Variants in TRAK1 observed in about 807,000 individuals in gnomAD.
TRAK1 encodes the protein trafficking kinesin-binding protein 1.
In TRAK1, 33 loss-of-function variants were observed where a neutral mutation model predicts 92.1. The observed-to-expected ratio is 0.36, with a 90% CI of 0.27 to 0.48. The LOEUF (loss-of-function observed/expected upper bound fraction) is 0.48. Ranked by LOEUF, TRAK1 falls within the 20% of genes least tolerant of loss-of-function variation. The pLI is 0.99. For synonymous variants in TRAK1, 521 were observed against 517.3 expected, an observed-to-expected ratio of 1.01 and a Z score of -0.10; for missense variants, 1,123 against 1,257.9, an observed-to-expected ratio of 0.89 and a Z score of 1.62.
Position 42,200,984 on chromosome 3 carries a change from G to A in TRAK1, c.1357G>A (p.Asp453Asn), listed in dbSNP as rs750149859. 3.7e-6 allele frequency: 6 copies of A among 1,614,164 alleles called. No individual in the cohort carries two copies. The highest frequency in any genetic ancestry group is 4.5e-5 in the East Asian group (2 of 44,882). Residue 453 changes from aspartate to asparagine, a missense_variant, in exon 12 of 16, where the codon GAC (aspartate) becomes AAC (asparagine). By Grantham distance (23) the Asp-to-Asn change is conservative (BLOSUM62 1). Around this residue, in one of 3 missense-constraint regions of TRAK1, gnomAD observed 686 missense variants for 747.6 expected, o/e 0.92. Transcript: ENST00000327628. ...CCCCCGGTCCAGCTTCTACGGCAGCGACATAGGCAACGTCGTCCTCGACAA... is the reference window on the plus strand; with the variant it reads ...CCCCCGGTCCAGCTTCTACGGCAGCAACATAGGCAACGTCGTCCTCGACAA... Reference protein sequence around the residue: ...STPRSSFYGSDIGNVVLDNKT... With the variant: ...STPRSSFYGSNIGNVVLDNKT...
intron 2 of TRAK1, among the ~76,000 whole-genome samples, chr3:42,135,216 G>GT (rs1386399661): frequency 6.6e-6 from 1 of 152,234 alleles, no homozygotes; most frequent in Non-Finnish European, 1.5e-5. Flanking sequence ...GTCCCCTGCT[G>GT]TATAGGGAGT....
intron 2 of TRAK1, among the ~76,000 whole-genome samples, chr3:42,164,065 G>T (rs554609053): frequency 6.6e-6 from 1 of 152,296 alleles, no homozygotes; most frequent in African/African-American, 2.4e-5. Context: ...GGCCAGTTTT[G>T]CTGGAAACAC....
At chr3:42,172,982 C>T (rs1576782967) in intron 2 of TRAK1, among the ~76,000 whole-genome samples, 1 of 152,226 alleles carries the variant, frequency 6.6e-6, no homozygotes, top group South Asian at 2.1e-4. Context: ...CCCATCTCTA[C>T]TAAAAATACA....
At chr3:42,021,021 G>T (rs1701703140) in intron 1 of TRAK1, among the ~76,000 whole-genome samples, 1 of 152,210 alleles carries the variant, frequency 6.6e-6, no homozygotes, top group Non-Finnish European at 1.5e-5. Flanking sequence ...TTCTTGTCAT[G>T]TTCGGAAGTT....
intron 1 of TRAK1, among the ~76,000 whole-genome samples, chr3:42,022,576 G>T (rs1193337636): frequency 1.3e-5 from 2 of 152,054 alleles, no homozygotes; most frequent in Non-Finnish European, 2.9e-5. Context: ...ACTAAAATTA[G>T]CTGGGCATGG....
At chr3:42,075,709 T>C (rs1704125482) in intron 1 of TRAK1, among the ~76,000 whole-genome samples, 1 of 152,246 alleles carries the variant, frequency 6.6e-6, no homozygotes, top group Non-Finnish European at 1.5e-5. Flanking sequence ...GGTGTTTTAT[T>C]GTGGTTTTGC....
intron 2 of TRAK1, among the ~76,000 whole-genome samples, chr3:42,150,558 A>G (rs1699844854): frequency 6.6e-6 from 1 of 152,166 alleles, no homozygotes; most frequent in Admixed American, 6.5e-5. Flanking sequence ...AGATAAGGTA[A>G]GTGCTTTTTA....
intron 1 of TRAK1, among the ~76,000 whole-genome samples, chr3:42,112,238 T>C (rs1009216372): frequency 7.3e-6 from 1 of 136,890 alleles, no homozygotes; most frequent in African/African-American, 2.7e-5. Flanking sequence ...GCCTCCTGGG[T>C]TCAAGAGTTC....
At chr3:42,155,950 G>A (rs1700483938) in intron 2 of TRAK1, among the ~76,000 whole-genome samples, 1 of 152,180 alleles carries the variant, frequency 6.6e-6, no homozygotes, top group South Asian at 2.1e-4. Flanking sequence ...TGCAAGAGGT[G>A]ATTGACCCTC....
upstream of TRAK1, among the ~76,000 whole-genome samples, chr3:42,085,356 A>G (rs766905604): frequency 6.6e-6 from 1 of 152,064 alleles, no homozygotes. Context: ...TTTAGCAGAG[A>G]TGGGGTTTCA....
chr3:42,171,028 C>T lies in TRAK1; in HGVS notation c.287-5786C>T, dbSNP rs191605664. On this transcript the variant is annotated intron_variant, in intron 2 of 15. Coordinates refer to ENST00000327628, the MANE Select transcript of TRAK1 (RefSeq NM_001042646.3). Reference sequence around the variant, plus strand: ...ATTTTTAGTAGAGACGGGATTTCACCGTGGTCTTGATCTCCTGACCTCATG... The same window carrying T: ...ATTTTTAGTAGAGACGGGATTTCACTGTGGTCTTGATCTCCTGACCTCATG... 3.4e-3 allele frequency among the ~76,000 whole-genome samples: 516 copies of T among 151,940 alleles called. 3 individuals are homozygous for T. Among genetic ancestry groups the T allele is most frequent in the Admixed American group, 6.5e-3 (99 of 15,246 alleles).
intron 14 of TRAK1, chr3:42,210,894 C>T (rs1708944407): frequency 1.0e-6 from 1 of 985,304 alleles, no homozygotes; most frequent in Non-Finnish European, 1.2e-6. Flanking sequence ...TACAGAATTA[C>T]CCACATTCCA....
chr3:42,178,037 A>C (rs1413018719), intron 3 of TRAK1, among the ~76,000 whole-genome samples: 1 of 152,152 alleles, frequency 6.6e-6, no homozygotes, highest in Non-Finnish European at 1.5e-5. Flanking sequence ...CCGACTTTTG[A>C]AAATGGTTAA....
chr3:42,175,465 T>C (rs1454915791), intron 2 of TRAK1, among the ~76,000 whole-genome samples: 1 of 152,194 alleles, frequency 6.6e-6, no homozygotes, highest in African/African-American at 2.4e-5. Flanking sequence ...CTGGCAGCTC[T>C]GTCTGAGGCA....
intron 14 of TRAK1, chr3:42,211,765 A>G (rs1553612834): frequency 1.0e-6 from 1 of 985,178 alleles, no homozygotes; most frequent in Non-Finnish European, 1.2e-6. Context: ...CATCCTGGCC[A>G]CTCTCCTTAA....
At chr3:42,196,278 T>C (rs1198895379) in intron 10 of TRAK1, among the ~76,000 whole-genome samples, 1 of 152,226 alleles carries the variant, frequency 6.6e-6, no homozygotes, top group Non-Finnish European at 1.5e-5. Flanking sequence ...CTTTTGCTCC[T>C]AGCCATTCTA....
chr3:42,103,865 C>T (rs140369947), intron 1 of TRAK1, among the ~76,000 whole-genome samples: 80 of 152,294 alleles, frequency 5.3e-4, no homozygotes, highest in African/African-American at 1.7e-3. Context: ...TGGAGCAGGA[C>T]GGGTCATCAC....
intron 2 of TRAK1, among the ~76,000 whole-genome samples, chr3:42,139,666 C>A (rs1304505313): frequency 6.6e-6 from 1 of 152,158 alleles, no homozygotes; most frequent in Non-Finnish European, 1.5e-5. Context: ...AAACCCGATT[C>A]CAATGTTGAG....
At chr3:42,221,641 C>G (rs1393287664) in intron 15 of TRAK1, among the ~76,000 whole-genome samples, 1 of 152,172 alleles carries the variant, frequency 6.6e-6, no homozygotes, top group Non-Finnish European at 1.5e-5. Flanking sequence ...TCCTAGGGAC[C>G]ATGCAGCTGA....
Sources: gnomAD v4.1 joint callset for allele counts (sites outside exome capture counted in the v4.1 genomes callset) on GRCh38, gnomAD v4.1.1 for gene constraint, gnomAD v4.1.1 regional missense constraint, MANE v1.5 for transcripts, NCBI Gene and HGNC (gene_info 2026-07-23, HGNC 2026-07-21) for gene names.